Variants in SHANK2 observed in about 807,000 individuals in gnomAD.
SHANK2 encodes SH3 and multiple ankyrin repeat domains protein 2.
Under a neutral mutation model 133.7 loss-of-function variants are expected in SHANK2, and 43 were observed. The observed-to-expected ratio is 0.32, with a 90% CI of 0.25 to 0.41. The LOEUF is 0.41. Ranked by LOEUF, SHANK2 falls within the 10% of genes least tolerant of loss-of-function variation. The pLI is 1.00. For synonymous variants in SHANK2, 1,017 were observed against 952.8 expected (o/e 1.07, Z -1.24); for missense variants, 1,994 against 2,235.8 (o/e 0.89, Z 2.18).
At chr11:71,072,294 G>A (rs938980021) in intron 9 of SHANK2, among the ~76,000 whole-genome samples, 1 of 151,686 alleles carries the variant, frequency 6.6e-6, no homozygotes, top group Admixed American at 6.6e-5. Flanking sequence ...AGCCTCCTGC[G>A]GGACCAACAG....
chr11:70,626,451 C>T (rs556535148), intron 17 of SHANK2, among the ~76,000 whole-genome samples: 96 of 152,264 alleles, frequency 6.3e-4, no homozygotes, highest in African/African-American at 1.9e-3. Context: ...GGGAGCTTGT[C>T]GGTAAGTCTC....
intron 2 of SHANK2, among the ~76,000 whole-genome samples, chr11:71,221,465 C>T (rs1954540647): frequency 6.6e-6 from 1 of 152,080 alleles, no homozygotes; most frequent in African/African-American, 2.4e-5. Flanking sequence ...TGTTTCCCCA[C>T]CCAGGAGGGT....
intron 1 of SHANK2, among the ~76,000 whole-genome samples, chr11:71,248,131 C>T (rs1430132779): frequency 1.3e-5 from 2 of 152,362 alleles, no homozygotes; most frequent in African/African-American, 4.8e-5. Flanking sequence ...TTGTCCCCCG[C>T]CCTGCAAAGA....
chr11:70,560,162 G>A (rs76463013), intron 17 of SHANK2, among the ~76,000 whole-genome samples: 3,493 of 152,222 alleles, frequency 0.023, 77 homozygotes, highest in East Asian at 0.1. Flanking sequence ...GTGAGCCACC[G>A]TGCTCGGCTT....
intron 17 of SHANK2, among the ~76,000 whole-genome samples, chr11:70,533,244 A>G (rs547111795): frequency 1.9e-4 from 29 of 152,162 alleles, no homozygotes; most frequent in African/African-American, 6.5e-4. Context: ...GTATTTTTAC[A>G]TTTTACATTT....
At chr11:71,144,874 C>G (rs1952615897) in intron 3 of SHANK2, among the ~76,000 whole-genome samples, 1 of 152,184 alleles carries the variant, frequency 6.6e-6, no homozygotes, top group South Asian at 2.1e-4. Flanking sequence ...GTGGTTTGAG[C>G]CCACGCTTAC....
chr11:70,928,994 G>A (rs182636253), intron 10 of SHANK2, among the ~76,000 whole-genome samples: 1 of 152,280 alleles, frequency 6.6e-6, no homozygotes, highest in East Asian at 1.9e-4. Context: ...ACCTGTGGAG[G>A]TGCACACGTG....
At chr11:70,598,566 T>C (rs1304482629) in intron 17 of SHANK2, among the ~76,000 whole-genome samples, 3 of 152,130 alleles carry the variant, frequency 2.0e-5, no homozygotes, top group African/African-American at 7.2e-5. Context: ...CCCCAGCTTC[T>C]TGGGAGACTG....
At chr11:70,900,400 T>C (rs1950006901) in intron 10 of SHANK2, among the ~76,000 whole-genome samples, 1 of 151,498 alleles carries the variant, frequency 6.6e-6, no homozygotes, top group Non-Finnish European at 1.5e-5. Context: ...TGACTATGTC[T>C]TCAAACACTG....
In SHANK2 at chr11:70,471,111, G is replaced by A. The variant is rs1452683487; in HGVS notation, c.*1758C>T. The A allele has an allele frequency of 1.3e-5, 5 of 396,502 alleles. No individual in the cohort carries two copies. Among genetic ancestry groups the A allele is most frequent in the African/African-American group, 8.2e-5 (4 of 48,522 alleles). The allele number at this position is 396,502 out of a possible 1,614,324, so 24.6% of individuals were successfully genotyped here. A position where few individuals can be genotyped will look rare whatever the true frequency, so the allele number is the denominator to read the frequency against. ...TTTCTAGCACTGAAGTGGCACAAAG[G>A]CTGCCTAGTAGACCAGCCACTTTTT... On this transcript the variant is annotated 3_prime_UTR_variant, in exon 26 of 26. Transcript: ENST00000601538. This position sits in a 1 kb window ranked among gnomAD's most constrained non-coding sequence, Gnocchi z 4.1.
intron 17 of SHANK2, among the ~76,000 whole-genome samples, chr11:70,657,305 C>T (rs868951713): frequency 2.6e-5 from 4 of 152,280 alleles, no homozygotes; most frequent in Middle Eastern, 6.8e-3. Context: ...AGAAAATTCA[C>T]GTGAGACATG....
intron 13 of SHANK2, among the ~76,000 whole-genome samples, chr11:70,805,231 C>T (rs1315152523): frequency 6.6e-6 from 1 of 152,128 alleles, no homozygotes; most frequent in Non-Finnish European, 1.5e-5. Flanking sequence ...GAGCAGCTCC[C>T]ACCCTCCGAC....
chr11:70,768,715 G>A (rs1947178488), intron 14 of SHANK2, among the ~76,000 whole-genome samples: 1 of 152,204 alleles, frequency 6.6e-6, no homozygotes, highest in South Asian at 2.1e-4. Context: ...AACAAGGCTG[G>A]GGGAAGCCTC....
chr11:71,153,814 A>G (rs1332489951), intron 2 of SHANK2, among the ~76,000 whole-genome samples: 2 of 152,158 alleles, frequency 1.3e-5, no homozygotes, highest in Non-Finnish European at 2.9e-5. Flanking sequence ...TACTAAAAAT[A>G]CAAAAATTAG....
intron 6 of SHANK2, among the ~76,000 whole-genome samples, chr11:71,107,081 A>G (rs1951812986): frequency 6.6e-6 from 1 of 151,950 alleles, no homozygotes; most frequent in Non-Finnish European, 1.5e-5. Context: ...TGCCACTACA[A>G]TCTAGCCTGG....
chr11:71,078,656 G>A (rs1488588651), intron 8 of SHANK2, among the ~76,000 whole-genome samples: 1 of 152,140 alleles, frequency 6.6e-6, no homozygotes, highest in Non-Finnish European at 1.5e-5. Flanking sequence ...CATAAGACAC[G>A]CCCATCAGTG....
chr11:71,238,607 G>C (rs1424139412), intron 1 of SHANK2, among the ~76,000 whole-genome samples: 2 of 152,164 alleles, frequency 1.3e-5, no homozygotes, highest in African/African-American at 2.4e-5. Context: ...GAGGCCAGAG[G>C]CCCCTCCTGG....
chr11:70,728,171 A>C (rs1208393555), intron 14 of SHANK2, among the ~76,000 whole-genome samples: 1 of 151,886 alleles, frequency 6.6e-6, no homozygotes, highest in African/African-American at 2.4e-5. Flanking sequence ...GGTTAAACCG[A>C]CTCCCAAAGG....
rs2058788949 is a variant in SHANK2, at chr11:70,485,517, C to T, written c.4776G>A (p.Gly1592=). 1.9e-6 allele frequency: 3 copies of T among 1,613,478 alleles called. No individual in the cohort carries two copies. Among genetic ancestry groups the T allele is most frequent in the Non-Finnish European group, 2.5e-6 (3 of 1,180,034 alleles). ...TCCTTGGCTGGAGAACCTTGGCCAT[C>T]CCAGGCTGGGCACTGCCCGGCGGGG... The part of the protein sequence containing the change: ...PPPPPGSAQP[G]MAKVLQPRTS... The change falls in exon 25 of 26, where the codon GGG becomes GGA. Residue 1592 remains glycine (G), a synonymous_variant. Transcript: ENST00000601538. The surrounding 1 kb of genome is among the most constrained non-coding windows in gnomAD (Gnocchi z 5.8).
Sources: gnomAD v4.1 joint callset for allele counts (sites outside exome capture counted in the v4.1 genomes callset) on GRCh38, gnomAD v4.1.1 for gene constraint, Gnocchi (gnomAD v3.1) non-coding constraint, MANE v1.5 for transcripts, NCBI Gene and HGNC (gene_info 2026-07-23, HGNC 2026-07-21) for gene names.